The following PLEKHM2 variants were observed in gnomAD, a reference collection of about 807,000 sequenced individuals.
PLEKHM2 encodes the protein pleckstrin homology and RUN domain containing M2, also known as pleckstrin homology domain-containing family M member 2.
In PLEKHM2, 77 loss-of-function variants were observed where a neutral mutation model predicts 116.3. That is an observed-to-expected ratio of 0.66 (90% CI 0.55 to 0.80). The LOEUF (loss-of-function observed/expected upper bound fraction) is 0.80, where lower values mean the gene tolerates loss of function less well. PLEKHM2 is among the 30% of genes least tolerant of loss of function. The pLI, the probability that PLEKHM2 is intolerant of heterozygous loss-of-function variation, is 0.00. For synonymous variants in PLEKHM2, 562 were observed against 571.0 expected (o/e 0.98, Z 0.22); for missense variants, 1,183 against 1,354.9 (o/e 0.87, Z 1.99).
At position 15,729,514 on chromosome 1, in the gene PLEKHM2, G is replaced by A. The variant is rs2068110307; in HGVS notation, c.2076-283G>A. Among the ~76,000 whole-genome samples the A allele has an allele frequency of 6.6e-6, 1 of 152,182 alleles. No homozygotes were observed. The highest frequency in any genetic ancestry group is 1.5e-5 in the Non-Finnish European group (1 of 68,026). On this transcript the variant is annotated intron_variant, in intron 13 of 19. Coordinates refer to ENST00000375799, the MANE Select transcript of PLEKHM2 (RefSeq NM_015164.4). This position sits in a 1 kb window ranked among gnomAD's most constrained non-coding sequence, Gnocchi z 4.7. ...CGCCTGCATCCTTGTCGTGGCTCAAGGTCCCACCCGTTGACGTCCTGCCCA... is the reference window on the plus strand; with the variant it reads ...CGCCTGCATCCTTGTCGTGGCTCAAAGTCCCACCCGTTGACGTCCTGCCCA...
chr1:15,683,542 T>A (rs955040245), upstream of PLEKHM2, among the ~76,000 whole-genome samples: 2 of 137,328 alleles, frequency 1.5e-5, no homozygotes, highest in Non-Finnish European at 1.5e-5. Flanking sequence ...GGGGTCGGAG[T>A]CTCCAGAGTC....
rs1325492057 is a variant in PLEKHM2 at position 15,727,184 on chromosome 1, C to A, written c.1112C>A (p.Ser371Tyr). The part of the protein sequence containing the change: ...GRDSPDTMLA[S>Y]PQEEGEGPSS... Reference sequence around the variant, plus strand: ...GACTCGCCAGACACTATGCTTGCCTCCCCCCAGGAGGAGGGAGAGGGGCCG... The same window carrying A: ...GACTCGCCAGACACTATGCTTGCCTACCCCCAGGAGGAGGGAGAGGGGCCG... The change falls in exon 9 of 20, where the codon TCC becomes TAC. Residue 371 changes from serine (S) to tyrosine (Y), a missense_variant. Ser to Tyr is a moderately radical substitution (Grantham distance 144, BLOSUM62 -2). This residue lies in a region of PLEKHM2 where 372 missense variants were observed against 357.2 expected (regional missense o/e 1.04). Transcript: ENST00000375799. The surrounding 1 kb of genome is among the most constrained non-coding windows in gnomAD (Gnocchi z 7.5). 3 of 1,603,982 alleles carry A rather than the reference C, an allele frequency of 1.9e-6. No homozygotes were observed. The highest frequency in any genetic ancestry group is 2.6e-6 in the Non-Finnish European group (3 of 1,175,302).
Position 15,727,752 on chromosome 1 carries a change from G to T in PLEKHM2, c.1680G>T (p.Pro560=). The change falls in exon 9 of 20, where the codon CCG becomes CCT. Residue 560 remains proline (P), a synonymous_variant. Transcript: ENST00000375799. The surrounding 1 kb of genome is among the most constrained non-coding windows in gnomAD (Gnocchi z 7.5). Reference sequence around the variant, plus strand: ...AGCTCAAGCGAGACCAGCCCAGCCCGTGTCTGAGTAGCGCTGAGGATTCTG... The same window carrying T: ...AGCTCAAGCGAGACCAGCCCAGCCCTTGTCTGAGTAGCGCTGAGGATTCTG... The part of the protein sequence containing the change: ...LCQLKRDQPS[P]CLSSAEDSGV... The T allele has an allele frequency of 6.2e-7, 1 of 1,604,342 alleles. No individual in the cohort carries two copies. The highest frequency in any genetic ancestry group is 1.7e-5 in the Admixed American group (1 of 58,604).
intron 1 of PLEKHM2, among the ~76,000 whole-genome samples, chr1:15,711,044 C>T (rs1337034881): frequency 6.6e-6 from 1 of 151,756 alleles, no homozygotes; most frequent in Non-Finnish European, 1.5e-5. Context: ...ATCCTTACCT[C>T]ATGACATATA....
At chr1:15,714,327 G>T in intron 1 of PLEKHM2, among the ~76,000 whole-genome samples, 1 of 127,944 alleles carries the variant, frequency 7.8e-6, no homozygotes, top group Non-Finnish European at 1.6e-5. Flanking sequence ...TCTGATCTCA[G>T]ATTTACTCAG....
chr1:15,710,896 T>G (rs761491539), intron 1 of PLEKHM2, among the ~76,000 whole-genome samples: 1 of 152,114 alleles, frequency 6.6e-6, no homozygotes, highest in African/African-American at 2.4e-5. Flanking sequence ...ATACGAGGGC[T>G]GGGTGCCGTG....
chr1:15,732,007 G>T lies in PLEKHM2; in HGVS notation c.2584G>T (p.Ala862Ser), dbSNP rs1442651428. ...AAGTGCCGAGAGCGAGGCCGAGATGGCCGAGTGGATGCAGCATCTCTGCCA... is the reference window on the plus strand; with the variant it reads ...AAGTGCCGAGAGCGAGGCCGAGATGTCCGAGTGGATGCAGCATCTCTGCCA... ...ELSAESEAEM[A>S]EWMQHLCQAV... The change falls in exon 17 of 20, where the codon GCC (alanine) becomes TCC (serine). Residue 862 changes from alanine (A) to serine (S), a missense_variant. Ala to Ser is a moderately conservative substitution (Grantham distance 99, BLOSUM62 1). Coordinates refer to ENST00000375799, the MANE Select transcript of PLEKHM2 (RefSeq NM_015164.4). 1 of 1,612,448 alleles carries T rather than the reference G, an allele frequency of 6.2e-7. No homozygotes were observed.
In PLEKHM2 at chr1:15,730,663, C is replaced by T; in HGVS notation, c.2340C>T (p.Tyr780=). 4 of 1,610,124 alleles carry T rather than the reference C, an allele frequency of 2.5e-6. No individual in the cohort carries two copies. The highest frequency in any genetic ancestry group is 1.3e-5 in the African/African-American group (1 of 74,986). ...GTITKEGMLH[Y]KAGTSYLGKE... is the part of the protein sequence containing the mutation. ...TCACCAAAGAAGGCATGCTGCACTA[C>T]AAGGCGGGCACCTCCTACCTGGGCA... The change falls in exon 15 of 20, where the codon TAC becomes TAT. Residue 780 remains tyrosine, a synonymous_variant. Coordinates refer to ENST00000375799, the MANE Select transcript of PLEKHM2 (RefSeq NM_015164.4).
intron 1 of PLEKHM2, among the ~76,000 whole-genome samples, chr1:15,692,105 C>A (rs1640900331): frequency 6.6e-6 from 1 of 151,410 alleles, no homozygotes; most frequent in Non-Finnish European, 1.5e-5. Flanking sequence ...AGAGTGAGAC[C>A]CTGTCTCGGC....
chr1:15,699,716 G>A (rs938003576), intron 1 of PLEKHM2, among the ~76,000 whole-genome samples: 7 of 152,056 alleles, frequency 4.6e-5, no homozygotes, highest in Non-Finnish European at 7.4e-5. Flanking sequence ...AGTGGGCCGG[G>A]TATGATGATA....
At position 15,730,688 on chromosome 1, in the gene PLEKHM2, A is replaced by C; in HGVS notation, c.2365A>C (p.Lys789Gln). The C allele has an allele frequency of 1.2e-6, 2 of 1,608,590 alleles. No homozygotes were observed. Among genetic ancestry groups the C allele is most frequent in the Non-Finnish European group, 1.7e-6 (2 of 1,177,720 alleles). Residue 789 changes from lysine to glutamine, a missense_variant, in exon 15 of 20, where the codon AAG becomes CAG. Lys to Gln is a moderately conservative substitution (Grantham distance 53). Coordinates refer to ENST00000375799, the MANE Select transcript of PLEKHM2 (RefSeq NM_015164.4). ...CAAGGCGGGCACCTCCTACCTGGGC[A>C]AGGAACACTGGAAGACGTGCTTCGT... ...HYKAGTSYLG[K>Q]EHWKTCFVVL... is the part of the protein sequence containing the mutation.
chr1:15,703,271 G>C (rs1157755114), intron 1 of PLEKHM2, among the ~76,000 whole-genome samples: 1 of 152,186 alleles, frequency 6.6e-6, no homozygotes, highest in East Asian at 1.9e-4. Context: ...GCAGGGATGG[G>C]GCAGGCACAG....
In PLEKHM2 at chr1:15,716,836, C is replaced by T. The variant is rs769633582; in HGVS notation, c.277+20C>T. On this transcript the variant is annotated intron_variant, in intron 3 of 19. Coordinates refer to ENST00000375799, the MANE Select transcript of PLEKHM2 (RefSeq NM_015164.4). ...GGCGCAGTGAGTAGTCACAAGGAGA[C>T]GCTGGGGAAGGGACCAGCTCCACCT... is the stretch of plus-strand genomic sequence containing the variant. 50 of 1,553,030 alleles carry T rather than the reference C, an allele frequency of 3.2e-5. 2 individuals are homozygous for T. In the South Asian group the frequency reaches 4.0e-4, roughly 13 times the overall value.
chr1:15,688,649 CAAAAAAA>C (rs36016839), intron 1 of PLEKHM2, among the ~76,000 whole-genome samples: 10 of 88,826 alleles, frequency 1.1e-4, no homozygotes, highest in Admixed American at 5.2e-4. Flanking sequence ...GACTCTGTCT[CAAAAAAA>C]AAAAAAAAAA....
chr1:15,685,663 A>G (rs1487097947), intron 1 of PLEKHM2, among the ~76,000 whole-genome samples: 2 of 152,064 alleles, frequency 1.3e-5, no homozygotes, highest in African/African-American at 4.8e-5. Context: ...TAGATCAACC[A>G]TCATATTTAA....
In PLEKHM2 at chr1:15,716,281, C is replaced by T. The variant is rs1279830470; in HGVS notation, c.105C>T (p.Ile35=). The T allele has an allele frequency of 6.2e-7, 1 of 1,607,680 alleles. No homozygotes were observed. The highest frequency in any genetic ancestry group is 1.7e-5 in the Admixed American group (1 of 59,254). The change falls in exon 2 of 20, where the codon ATC becomes ATT. Residue 35 remains isoleucine, a synonymous_variant. Coordinates refer to ENST00000375799, the MANE Select transcript of PLEKHM2 (RefSeq NM_015164.4). ...FAACEDEIPA[I]RNHDKVLQRL... is the part of the protein sequence containing the mutation. ...CATGTGAGGATGAGATCCCTGCCAT[C>T]CGGAACCATGACAAGGTCCTACAGC... is the stretch of plus-strand genomic sequence containing the variant.
chr1:15,684,866 G>A (rs1053821972), intron 1 of PLEKHM2, among the ~76,000 whole-genome samples: 2 of 152,114 alleles, frequency 1.3e-5, no homozygotes, highest in African/African-American at 4.8e-5. Context: ...CCTGGCCCGG[G>A]GCCCTGCCCT....
chr1:15,707,586 T>G (rs1641251635), intron 1 of PLEKHM2, among the ~76,000 whole-genome samples: 1 of 152,222 alleles, frequency 6.6e-6, no homozygotes, highest in Non-Finnish European at 1.5e-5. Flanking sequence ...TTTTCTGCCT[T>G]TCCCCAAAAT....
chr1:15,729,324 A>G lies in PLEKHM2; in HGVS notation c.2075+134A>G. The G allele has an allele frequency of 4.0e-6, 3 of 741,092 alleles. No individual in the cohort carries two copies. Among genetic ancestry groups the G allele is most frequent in the Admixed American group, 4.1e-5 (2 of 48,224 alleles). The allele number at this position is 741,092 out of a possible 1,614,324, so 45.9% of individuals were successfully genotyped here. A position where few individuals can be genotyped will look rare whatever the true frequency, so the allele number is the denominator to read the frequency against. ...GGGAAACCAGATGTATTCCCTCTGG[A>G]ACCTGCATCTGCTCAGAGAGGCAGG... On this transcript the variant is annotated intron_variant, in intron 13 of 19. Transcript: ENST00000375799. The surrounding 1 kb of genome is among the most constrained non-coding windows in gnomAD (Gnocchi z 4.7).
Sources: gnomAD v4.1 joint callset for allele counts (sites outside exome capture counted in the v4.1 genomes callset) on GRCh38, gnomAD v4.1.1 for gene constraint, gnomAD v4.1.1 regional missense constraint, Gnocchi (gnomAD v3.1) non-coding constraint, MANE v1.5 for transcripts, NCBI Gene and HGNC (gene_info 2026-07-23, HGNC 2026-07-21) for gene names.